The following PRKCE variants were observed in gnomAD, a reference collection of about 807,000 sequenced individuals.
The protein encoded by PRKCE is protein kinase C epsilon type.
In PRKCE, 16 loss-of-function variants were observed where a neutral mutation model predicts 85.4. That is an observed-to-expected ratio of 0.19 (90% CI 0.13 to 0.28). The LOEUF (loss-of-function observed/expected upper bound fraction) is 0.28. PRKCE is among the 10% of genes least tolerant of loss of function. The pLI, the probability that PRKCE is intolerant of heterozygous loss-of-function variation, is 1.00. For missense variants in PRKCE, 573 were observed against 975.2 expected, an observed-to-expected ratio of 0.59 and a Z score of 5.49; for synonymous variants, 388 against 371.5, an observed-to-expected ratio of 1.04 and a Z score of -0.51.
intron 2 of PRKCE, among the ~76,000 whole-genome samples, chr2:45,927,094 G>A (rs1338493878): frequency 6.6e-6 from 1 of 152,022 alleles, no homozygotes; most frequent in African/African-American, 2.4e-5. Flanking sequence ...GAGCGTGCAT[G>A]GGACAAGGAT....
At chr2:45,758,746 G>A (rs1438114053) in intron 1 of PRKCE, among the ~76,000 whole-genome samples, 1 of 152,108 alleles carries the variant, frequency 6.6e-6, no homozygotes, top group African/African-American at 2.4e-5. Context: ...CTACAGTTAT[G>A]TCCCCTGAGC....
At chr2:45,960,837 G>T (rs1701325123) in intron 2 of PRKCE, among the ~76,000 whole-genome samples, 1 of 152,302 alleles carries the variant, frequency 6.6e-6, no homozygotes, top group East Asian at 1.9e-4. Flanking sequence ...TCTCCTTGCA[G>T]TTCCTACAAT....
At chr2:45,694,172 G>A (rs1482961620) in intron 1 of PRKCE, among the ~76,000 whole-genome samples, 1 of 150,254 alleles carries the variant, frequency 6.7e-6, no homozygotes, top group African/African-American at 2.5e-5. Context: ...ACTAAGGGGA[G>A]CTCTGGCATT....
chr2:45,677,817 A>T, intron 1 of PRKCE: 1 of 985,028 alleles, frequency 1.0e-6, no homozygotes, highest in Non-Finnish European at 1.2e-6. Context: ...ATCGTTGTGG[A>T]AAATTCTGTT....
intron 5 of PRKCE, among the ~76,000 whole-genome samples, chr2:45,981,017 CA>C (rs1165818193): frequency 1.3e-5 from 2 of 152,222 alleles, no homozygotes; most frequent in Non-Finnish European, 2.9e-5. Context: ...CTTTCAAACC[CA>C]GGCAGTTTGT....
chr2:45,757,185 G>A (rs1298638096), intron 1 of PRKCE, among the ~76,000 whole-genome samples: 3 of 151,728 alleles, frequency 2.0e-5, no homozygotes, highest in Admixed American at 2.0e-4. Context: ...GTGCATGCCT[G>A]TAATCCCAGC....
intron 2 of PRKCE, among the ~76,000 whole-genome samples, chr2:45,873,430 C>G (rs555815575): frequency 1.3e-5 from 2 of 149,154 alleles, no homozygotes; most frequent in Admixed American, 1.3e-4. Flanking sequence ...GTCAGGCGTA[C>G]CAAGACCACA....
intron 13 of PRKCE, among the ~76,000 whole-genome samples, chr2:46,153,264 C>A (rs955271457): frequency 1.3e-5 from 2 of 152,168 alleles, no homozygotes; most frequent in Non-Finnish European, 2.9e-5. Flanking sequence ...TATGTTCATT[C>A]ATGCATTCAT....
intron 1 of PRKCE, among the ~76,000 whole-genome samples, chr2:45,720,526 G>A (rs541820332): frequency 5.9e-5 from 9 of 152,196 alleles, no homozygotes; most frequent in Admixed American, 6.5e-5. Context: ...TAGATATGTC[G>A]CTGCCCACCA....
chr2:45,874,392 T>C (rs1694318789), intron 2 of PRKCE, among the ~76,000 whole-genome samples: 1 of 152,232 alleles, frequency 6.6e-6, no homozygotes, highest in Non-Finnish European at 1.5e-5. Context: ...TCTGGCCTCC[T>C]GTCCGGCCAT....
chr2:45,735,885 A>T (rs1025023432), intron 1 of PRKCE, among the ~76,000 whole-genome samples: 49 of 152,208 alleles, frequency 3.2e-4, no homozygotes, highest in Non-Finnish European at 3.1e-4. Context: ...TGCTAATTTG[A>T]CAACTACTAT....
In PRKCE at chr2:46,051,054, G is replaced by A. The variant is rs1354061377; in HGVS notation, c.1438-35154G>A. ...GAAGAAGAAAGACAATATGTGCATC[G>A]TGTCAGGTGAGAGGAATTAGCTTCC... On this transcript the variant is annotated intron_variant, in intron 10 of 14. Transcript: ENST00000306156. Among the ~76,000 whole-genome samples, 4 of 152,150 alleles carry A rather than the reference G, an allele frequency of 2.6e-5. No individual in the cohort carries two copies. The South Asian group carries it at 6.2e-4, about 24-fold the overall frequency.
chr2:45,719,260 A>G (rs1026569942), intron 1 of PRKCE, among the ~76,000 whole-genome samples: 5 of 152,194 alleles, frequency 3.3e-5, no homozygotes, highest in Admixed American at 3.3e-4. Context: ...AGATGATGTT[A>G]ATGTGTTTCA....
rs112784385 is a variant in PRKCE, at chr2:46,036,433, A to T, written c.1437+25916A>T. Among the ~76,000 whole-genome samples the T allele has an allele frequency of 5.6e-3, 859 of 152,190 alleles. 4 individuals are homozygous for T. Among genetic ancestry groups the T allele is most frequent in the Non-Finnish European group, 9.2e-3 (626 of 67,996 alleles). ...TTTCCACACACACACAAAATTAATT[A>T]AAAAACATTAGCCAGGTATGGTGGT... On this transcript the variant is annotated intron_variant, in intron 10 of 14. Coordinates refer to ENST00000306156, the MANE Select transcript of PRKCE (RefSeq NM_005400.3).
chr2:46,042,726 C>T (rs1036707601), intron 10 of PRKCE, among the ~76,000 whole-genome samples: 5 of 152,292 alleles, frequency 3.3e-5, no homozygotes, highest in East Asian at 3.9e-4. Context: ...ACACCAGAGG[C>T]GAAGGGTGGG....
At chr2:45,940,413 G>A (rs1699789211) in intron 2 of PRKCE, among the ~76,000 whole-genome samples, 1 of 152,204 alleles carries the variant, frequency 6.6e-6, no homozygotes, top group South Asian at 2.1e-4. Flanking sequence ...TTGATGTATG[G>A]ATGGCCAGAG....
chr2:45,751,424 A>C (rs35648680), intron 1 of PRKCE, among the ~76,000 whole-genome samples: 1 of 151,998 alleles, frequency 6.6e-6, no homozygotes, highest in Admixed American at 6.5e-5. Flanking sequence ...AATTCCTTGA[A>C]AACAGGGCCG....
intron 2 of PRKCE, among the ~76,000 whole-genome samples, chr2:45,936,014 A>G (rs1416922975): frequency 6.6e-6 from 1 of 152,114 alleles, no homozygotes; most frequent in Non-Finnish European, 1.5e-5. Flanking sequence ...TCTATTGGTG[A>G]GGCAGCAGTG....
rs568436499 is a variant in PRKCE, at chr2:46,057,734, TTTTG to T, written c.1438-28466_1438-28463del. ...ACTGAATGTCTATATGACCTTGTAT[TTTTG>T]TTTGTTTATTTTAATTTGTATTTTT... On this transcript the variant is annotated intron_variant, in intron 10 of 14. Transcript: ENST00000306156. Among the ~76,000 whole-genome samples the T allele has an allele frequency of 3.9e-5, 6 of 152,184 alleles. No individual in the cohort carries two copies. The South Asian group carries it at 8.3e-4, about 21-fold the overall frequency.
Sources: allele counts gnomAD v4.1 joint callset (sites outside exome capture counted in the v4.1 genomes callset), GRCh38; gene constraint gnomAD v4.1.1; transcripts MANE v1.5; gene names NCBI Gene and HGNC (gene_info 2026-07-23, HGNC 2026-07-21).